The following FRMD5 variants were observed in gnomAD, a reference collection of about 807,000 sequenced individuals.
FRMD5 encodes FERM domain-containing protein 5.
A neutral mutation model predicts 69.0 loss-of-function variants in FRMD5; 20 were observed. The observed-to-expected ratio is 0.29, with a 90% CI of 0.20 to 0.42. The LOEUF (loss-of-function observed/expected upper bound fraction) is 0.42, where lower values mean the gene tolerates loss of function less well. FRMD5 is among the 10% of genes least tolerant of loss of function. The pLI is 1.00. For missense variants in FRMD5, 595 were observed against 708.6 expected (o/e 0.84, Z 1.82); for synonymous variants, 271 against 260.1 (o/e 1.04, Z -0.40).
At chr15:44,194,573 T>C (rs760479650) in intron 1 of FRMD5, 3 of 326,582 alleles carry the variant, frequency 9.2e-6, no homozygotes, top group Non-Finnish European at 1.7e-5. Flanking sequence ...AGCCAAAGCC[T>C]GCGCCCCCGA....
intron 1 of FRMD5, among the ~76,000 whole-genome samples, chr15:44,055,700 G>A (rs1038989779): frequency 7.9e-5 from 12 of 152,298 alleles, no homozygotes; most frequent in Admixed American, 7.8e-4. Flanking sequence ...GTGGTACAAG[G>A]TAGATGTGGC....
intron 1 of FRMD5, among the ~76,000 whole-genome samples, chr15:43,994,578 A>G (rs2140148236): frequency 6.6e-6 from 1 of 152,186 alleles, no homozygotes; most frequent in South Asian, 2.1e-4. Context: ...CTACAGGCAC[A>G]TGCCACCACA....
At chr15:43,972,052 A>T (rs2090389039) in intron 1 of FRMD5, among the ~76,000 whole-genome samples, 1 of 146,076 alleles carries the variant, frequency 6.8e-6, no homozygotes, top group Non-Finnish European at 1.5e-5. Flanking sequence ...ATATATTTTT[A>T]TATATTTATA....
At chr15:44,044,298 T>C (rs991233418) in intron 1 of FRMD5, among the ~76,000 whole-genome samples, 1 of 152,126 alleles carries the variant, frequency 6.6e-6, no homozygotes, top group African/African-American at 2.4e-5. Flanking sequence ...TGTGGGGAAA[T>C]AGGAACACTT....
intron 1 of FRMD5, among the ~76,000 whole-genome samples, chr15:44,039,406 CA>C (rs1892085516): frequency 1.3e-5 from 2 of 152,212 alleles, no homozygotes; most frequent in South Asian, 4.1e-4. Context: ...GGCCAACAGA[CA>C]TCTCATATAG....
intron 1 of FRMD5, among the ~76,000 whole-genome samples, chr15:44,129,103 C>T (rs1315075719): frequency 6.6e-6 from 1 of 152,094 alleles, no homozygotes; most frequent in Non-Finnish European, 1.5e-5. Flanking sequence ...ACAGGCTAAC[C>T]TTAATCCAAA....
rs557124465 is a variant in FRMD5, at chr15:44,142,899, G to A, written c.102+52054C>T. ...GGGTCAGGAGTTCAAGACCAGTCTG[G>A]CCAACATGGTGAAACCCCGTCTCTA... On this transcript the variant is annotated intron_variant, in intron 1 of 13. Coordinates refer to ENST00000417257, the MANE Select transcript of FRMD5 (RefSeq NM_032892.5). Among the ~76,000 whole-genome samples, 3 of 152,144 alleles carry A rather than the reference G, an allele frequency of 2.0e-5. No homozygotes were observed. The East Asian group carries it at 5.8e-4, about 29-fold the overall frequency.
At chr15:44,176,849 A>G (rs1455692841) in intron 1 of FRMD5, among the ~76,000 whole-genome samples, 1 of 152,038 alleles carries the variant, frequency 6.6e-6, no homozygotes, top group East Asian at 1.9e-4. Context: ...CACCCATTAG[A>G]ATGGCTGTAA....
intron 1 of FRMD5, among the ~76,000 whole-genome samples, chr15:44,117,446 A>T (rs1222946961): frequency 6.6e-6 from 1 of 152,218 alleles, no homozygotes; most frequent in East Asian, 1.9e-4. Flanking sequence ...GGAGGACAAG[A>T]TGAAAGGGAA....
At chr15:43,907,542 T>C (rs1409200588) in intron 5 of FRMD5, among the ~76,000 whole-genome samples, 1 of 151,690 alleles carries the variant, frequency 6.6e-6, no homozygotes, top group East Asian at 1.9e-4. Context: ...TTTTTTTTTT[T>C]TGAGACAGAG....
At chr15:43,941,363 A>C (rs1595541193) in intron 1 of FRMD5, among the ~76,000 whole-genome samples, 1 of 152,168 alleles carries the variant, frequency 6.6e-6, no homozygotes, top group Non-Finnish European at 1.5e-5. Flanking sequence ...TGATCCTGCC[A>C]CCCAGCCTCT....
chr15:44,061,099 A>G (rs1893071609), intron 1 of FRMD5, among the ~76,000 whole-genome samples: 1 of 151,994 alleles, frequency 6.6e-6, no homozygotes, highest in Non-Finnish European at 1.5e-5. Flanking sequence ...ACCCTCCTAC[A>G]TTTTTCAGCT....
intron 1 of FRMD5, among the ~76,000 whole-genome samples, chr15:44,085,456 G>A (rs1182989854): frequency 6.6e-6 from 1 of 152,058 alleles, no homozygotes; most frequent in Non-Finnish European, 1.5e-5. Flanking sequence ...ATAAGGCAAC[G>A]ACTCATAGGT....
chr15:43,964,295 G>C (rs1350755260), intron 1 of FRMD5, among the ~76,000 whole-genome samples: 1 of 151,584 alleles, frequency 6.6e-6, no homozygotes, highest in Non-Finnish European at 1.5e-5. Flanking sequence ...TCATTTCTGT[G>C]ATAACTAATC....
intron 4 of FRMD5, 98 bp from the exon 5 acceptor site, chr15:43,910,077 CT>C: frequency 1.6e-6 from 1 of 616,088 alleles, no homozygotes; most frequent in Non-Finnish European, 2.8e-6. Flanking sequence ...TGTCAGGATA[CT>C]TTTACTACAT....
intron 1 of FRMD5, among the ~76,000 whole-genome samples, chr15:43,951,996 GTGTC>G (rs1299225994): frequency 0.015 from 1,536 of 101,926 alleles, 25 homozygotes; most frequent in African/African-American, 0.084. Context: ...GTGTGTGTGT[GTGTC>G]TGTGTGTGTG....
intron 1 of FRMD5, among the ~76,000 whole-genome samples, chr15:43,930,859 G>T (rs572674400): frequency 2.0e-5 from 3 of 152,196 alleles, no homozygotes; most frequent in Admixed American, 2.0e-4. Flanking sequence ...GTCACCGTGC[G>T]CAAGGAAATG....
chr15:44,135,968 T>A (rs2077178289), intron 1 of FRMD5, among the ~76,000 whole-genome samples: 1 of 152,144 alleles, frequency 6.6e-6, no homozygotes. Flanking sequence ...CAGTTAAGTT[T>A]TGGGTCGCAG....
At chr15:43,883,580 G>T in intron 13 of FRMD5, 123 bp downstream of exon 13, 1 of 676,508 alleles carries the variant, frequency 1.5e-6, no homozygotes, top group Non-Finnish European at 2.6e-6. Context: ...CCTCCTACTT[G>T]CCACTGGAGG....
Sources: gnomAD v4.1 joint callset for allele counts (sites outside exome capture counted in the v4.1 genomes callset) on GRCh38, gnomAD v4.1.1 for gene constraint, MANE v1.5 for transcripts, NCBI Gene and HGNC (gene_info 2026-07-23, HGNC 2026-07-21) for gene names.